The following ADGRB3 variants were observed in gnomAD, a reference collection of about 807,000 sequenced individuals.
ADGRB3 encodes adhesion G protein-coupled receptor B3.
ADGRB3 carries 37 observed loss-of-function variants against 193.4 expected under a neutral mutation model. That is an observed-to-expected ratio of 0.19 (90% CI 0.15 to 0.25). ADGRB3 has a LOEUF of 0.25. ADGRB3 is among the 10% of genes least tolerant of loss of function. The pLI, the probability that ADGRB3 is intolerant of heterozygous loss-of-function variation, is 1.00. For missense variants in ADGRB3, 1,637 were observed against 1,852.9 expected (o/e 0.88, Z 2.14); for synonymous variants, 690 against 644.2 (o/e 1.07, Z -1.08).
intron 23 of ADGRB3, chr6:69,332,157 A>T (rs1390850679): frequency 1.0e-6 from 1 of 985,470 alleles, no homozygotes; most frequent in Non-Finnish European, 1.2e-6. Context: ...GTCGGGGCTC[A>T]TCATAAGCTG....
At chr6:68,925,793 A>G (rs572558279) in intron 3 of ADGRB3, among the ~76,000 whole-genome samples, 66 of 152,150 alleles carry the variant, frequency 4.3e-4, no homozygotes, top group Non-Finnish European at 7.5e-4. Flanking sequence ...GCCATGTATA[A>G]TGGATTTCCT....
intron 17 of ADGRB3, among the ~76,000 whole-genome samples, chr6:69,104,930 A>C (rs1361534676): frequency 6.6e-6 from 1 of 152,194 alleles, no homozygotes; most frequent in Non-Finnish European, 1.5e-5. Context: ...GAGACACCGG[A>C]TATCATAATC....
chr6:68,982,475 A>G (rs1768946361), intron 10 of ADGRB3, among the ~76,000 whole-genome samples: 1 of 152,144 alleles, frequency 6.6e-6, no homozygotes, highest in South Asian at 2.1e-4. Flanking sequence ...ATATGTGCCC[A>G]TCCTGTCAGC....
chr6:68,916,425 C>T (rs545097356), intron 3 of ADGRB3, among the ~76,000 whole-genome samples: 45 of 152,088 alleles, frequency 3.0e-4, no homozygotes, highest in Non-Finnish European at 5.4e-4. Context: ...CTCACCCTTC[C>T]AAAGTACTTT....
chr6:69,108,000 A>G (rs1313038133), intron 17 of ADGRB3, among the ~76,000 whole-genome samples: 3 of 151,888 alleles, frequency 2.0e-5, no homozygotes, highest in Non-Finnish European at 4.4e-5. Context: ...ATGAATCTAG[A>G]TAACAAACCT....
At chr6:68,992,634 A>G (rs1037590389) in intron 10 of ADGRB3, among the ~76,000 whole-genome samples, 12 of 152,206 alleles carry the variant, frequency 7.9e-5, no homozygotes, top group African/African-American at 2.2e-4. Context: ...TTTTAGCATA[A>G]CACAATGGAA....
intron 3 of ADGRB3, among the ~76,000 whole-genome samples, chr6:68,714,106 A>G (rs1246490058): frequency 6.6e-6 from 1 of 151,758 alleles, no homozygotes; most frequent in African/African-American, 2.4e-5. Flanking sequence ...CATTTTTTTA[A>G]CTATAAAATG....
intron 3 of ADGRB3, among the ~76,000 whole-genome samples, chr6:68,751,983 A>G (rs1250846067): frequency 1.3e-5 from 2 of 152,186 alleles, no homozygotes; most frequent in African/African-American, 2.4e-5. Context: ...CATTTCAGTT[A>G]TCATTAGCTT....
intron 17 of ADGRB3, among the ~76,000 whole-genome samples, chr6:69,185,890 T>A (rs1765055990): frequency 1.3e-5 from 2 of 152,232 alleles, no homozygotes; most frequent in Admixed American, 1.3e-4. Context: ...AATAAAAAAA[T>A]CTGTGTATTA....
intron 3 of ADGRB3, among the ~76,000 whole-genome samples, chr6:68,750,436 G>GAA (rs1199146727): frequency 6.6e-6 from 1 of 152,070 alleles, no homozygotes; most frequent in Non-Finnish European, 1.5e-5. Flanking sequence ...TAGACTCCAT[G>GAA]AAAAAAATGA....
At chr6:68,647,237 A>G (rs1768237817) in intron 3 of ADGRB3, among the ~76,000 whole-genome samples, 1 of 152,174 alleles carries the variant, frequency 6.6e-6, no homozygotes, top group Non-Finnish European at 1.5e-5. Context: ...TTTGTGAAGT[A>G]GAATTTTATT....
At position 68,910,844 on chromosome 6, in the gene ADGRB3, C is replaced by G. The variant is rs549406710; in HGVS notation, c.758-19715C>G. ...TAGTTTGAAGTCAAGTAGCGTGATG[C>G]CTCCAGCTTTGTTCTTTTGGCTTAG... is the stretch of plus-strand genomic sequence containing the variant. On this transcript the variant is annotated intron_variant, in intron 3 of 31. Coordinates refer to ENST00000370598, the MANE Select transcript of ADGRB3 (RefSeq NM_001704.3). Among the ~76,000 whole-genome samples, 251 of 152,244 alleles carry G rather than the reference C, an allele frequency of 1.6e-3. 1 individual carries two copies. The highest frequency in any genetic ancestry group is 0.012 in the Admixed American group (188 of 15,288).
intron 3 of ADGRB3, among the ~76,000 whole-genome samples, chr6:68,847,754 G>A (rs957106418): frequency 2.6e-5 from 4 of 152,080 alleles, no homozygotes; most frequent in Non-Finnish European, 5.9e-5. Context: ...AAAGAATAAA[G>A]TTATGTTGTT....
intron 3 of ADGRB3, among the ~76,000 whole-genome samples, chr6:68,824,977 C>G (rs746286352): frequency 1.3e-5 from 2 of 152,040 alleles, no homozygotes; most frequent in Non-Finnish European, 2.9e-5. Flanking sequence ...GTGTCAGCCT[C>G]AGGAGTAGCT....
At chr6:68,733,838 A>G (rs1765822466) in intron 3 of ADGRB3, among the ~76,000 whole-genome samples, 1 of 151,056 alleles carries the variant, frequency 6.6e-6, no homozygotes, top group African/African-American at 2.5e-5. Context: ...ACGTGTAAGA[A>G]TGTACATGAC....
intron 3 of ADGRB3, among the ~76,000 whole-genome samples, chr6:68,839,690 C>T (rs1183390134): frequency 6.6e-6 from 1 of 152,132 alleles, no homozygotes; most frequent in Non-Finnish European, 1.5e-5. Flanking sequence ...CTTGCAGAAC[C>T]ACCAAATGTA....
At chr6:69,225,621 C>T (rs1765993890) in intron 17 of ADGRB3, among the ~76,000 whole-genome samples, 1 of 152,156 alleles carries the variant, frequency 6.6e-6, no homozygotes, top group Admixed American at 6.5e-5. Context: ...CAAAGATAGG[C>T]AGTCCAGGGC....
At chr6:68,882,707 T>C (rs1765765264) in intron 3 of ADGRB3, among the ~76,000 whole-genome samples, 1 of 152,104 alleles carries the variant, frequency 6.6e-6, no homozygotes. Context: ...TATTTCAGGG[T>C]ATTCTCTGTG....
At chr6:68,832,853 C>T (rs1767980454) in intron 3 of ADGRB3, among the ~76,000 whole-genome samples, 1 of 152,130 alleles carries the variant, frequency 6.6e-6, no homozygotes, top group Non-Finnish European at 1.5e-5. Context: ...ACTATCTGTT[C>T]TGTCTGAATC....
Sources: allele counts gnomAD v4.1 joint callset (sites outside exome capture counted in the v4.1 genomes callset), GRCh38; gene constraint gnomAD v4.1.1; transcripts MANE v1.5; gene names NCBI Gene and HGNC (gene_info 2026-07-23, HGNC 2026-07-21).